DIAPH3: variants seen among roughly 807,000 people sequenced by gnomAD.
DIAPH3 encodes the protein protein diaphanous homolog 3.
DIAPH3 carries 117 observed loss-of-function variants against 144.3 expected under a neutral mutation model. That is an observed-to-expected ratio of 0.81 (90% CI 0.70 to 0.95). The LOEUF (loss-of-function observed/expected upper bound fraction) is 0.95. DIAPH3 is among the 40% of genes least tolerant of loss of function. The pLI is 0.00. For missense variants in DIAPH3, 1,421 were observed against 1,412.7 expected, an observed-to-expected ratio of 1.01 and a Z score of -0.09; for synonymous variants, 519 against 488.9, an observed-to-expected ratio of 1.06 and a Z score of -0.81.
intron 24 of DIAPH3, among the ~76,000 whole-genome samples, chr13:59,814,332 A>G (rs1233125935): frequency 6.6e-6 from 1 of 152,158 alleles, no homozygotes; most frequent in Non-Finnish European, 1.5e-5. Context: ...TCTTAAACCT[A>G]TTTTGTTTCA....
At chr13:59,796,461 T>C (rs1017543049) in intron 25 of DIAPH3, among the ~76,000 whole-genome samples, 3 of 152,234 alleles carry the variant, frequency 2.0e-5, no homozygotes, top group Admixed American at 2.0e-4. Flanking sequence ...GTCAGTCTGT[T>C]GAAAGGTCAA....
chr13:59,812,855 C>T lies in DIAPH3; in HGVS notation c.3028-1932G>A, dbSNP rs151226650. Among the ~76,000 whole-genome samples the T allele has an allele frequency of 4.4e-4, 67 of 152,220 alleles. No homozygotes were observed. The East Asian group carries it at 4.8e-3, about 11-fold the overall frequency. ...AGATTTTCAAGCAAGTGCAAAACTA[C>T]GTACACTGAGATACAAGAACCAACC... On this transcript the variant is annotated intron_variant, in intron 24 of 27. Coordinates refer to ENST00000400324, the MANE Select transcript of DIAPH3 (RefSeq NM_001042517.2).
chr13:59,885,385 G>A (rs1041087766), intron 20 of DIAPH3, among the ~76,000 whole-genome samples: 1 of 127,388 alleles, frequency 7.9e-6, no homozygotes, highest in African/African-American at 2.9e-5. Flanking sequence ...AGTTTTGCCT[G>A]TTCTTGAAAT....
chr13:59,693,709 GAGAA>G (rs970506939), intron 27 of DIAPH3, among the ~76,000 whole-genome samples: 4 of 152,052 alleles, frequency 2.6e-5, no homozygotes, highest in African/African-American at 9.7e-5. Context: ...TTAATAAAAA[GAGAA>G]AGAAAATTAT....
At chr13:59,754,135 T>C (rs1352126531) in intron 27 of DIAPH3, among the ~76,000 whole-genome samples, 3 of 152,180 alleles carry the variant, frequency 2.0e-5, no homozygotes, top group African/African-American at 7.2e-5. Context: ...CCAACTTATC[T>C]TTCTGCTCTC....
intron 5 of DIAPH3, among the ~76,000 whole-genome samples, chr13:60,028,533 A>G (rs534675455): frequency 6.6e-6 from 1 of 151,996 alleles, no homozygotes; most frequent in East Asian, 1.9e-4. Flanking sequence ...TTTCTGGATC[A>G]CCTATTTCTG....
At chr13:60,014,797 T>A (rs184460135) in intron 7 of DIAPH3, among the ~76,000 whole-genome samples, 1 of 152,240 alleles carries the variant, frequency 6.6e-6, no homozygotes, top group African/African-American at 2.4e-5. Context: ...ACACCTATCA[T>A]CACTTCACAC....
chr13:59,771,302 T>C (rs1207871085), intron 27 of DIAPH3, among the ~76,000 whole-genome samples: 1 of 152,170 alleles, frequency 6.6e-6, no homozygotes, highest in Non-Finnish European at 1.5e-5. Context: ...ATTTAGGCTT[T>C]GGATATATAT....
chr13:59,860,850 T>C (rs17723013), intron 22 of DIAPH3, among the ~76,000 whole-genome samples: 8,743 of 152,310 alleles, frequency 0.057, 299 homozygotes, highest in Admixed American at 0.1. Flanking sequence ...ATCCGTTCTA[T>C]GACCCTTTAT....
At chr13:59,815,945 T>C (rs1010361123) in intron 24 of DIAPH3, among the ~76,000 whole-genome samples, 5 of 152,094 alleles carry the variant, frequency 3.3e-5, no homozygotes, top group Non-Finnish European at 7.4e-5. Context: ...AGATTCTAAG[T>C]ATTAGGTTAA....
In DIAPH3 at chr13:60,126,230, G is replaced by A. The variant is rs566625225; in HGVS notation, c.213+6727C>T. On this transcript the variant is annotated intron_variant, in intron 2 of 27. Coordinates refer to ENST00000400324, the MANE Select transcript of DIAPH3 (RefSeq NM_001042517.2). ...AAAGGAAAAATTATGCAACCAGATA[G>A]ATAATGAAAAGTCAAAGGGGTATGA... is the stretch of plus-strand genomic sequence containing the variant. Among the ~76,000 whole-genome samples the A allele has an allele frequency of 6.6e-5, 10 of 152,190 alleles. No individual in the cohort carries two copies. In the South Asian group the frequency reaches 2.1e-3, roughly 32 times the overall value.
At chr13:60,013,718 A>T (rs912982062) in intron 7 of DIAPH3, among the ~76,000 whole-genome samples, 3 of 152,230 alleles carry the variant, frequency 2.0e-5, no homozygotes, top group African/African-American at 7.2e-5. Context: ...TAAAACTTAT[A>T]TTTTCACCAT....
intron 4 of DIAPH3, among the ~76,000 whole-genome samples, chr13:60,059,092 T>C (rs567018113): frequency 4.6e-5 from 7 of 151,974 alleles, no homozygotes; most frequent in African/African-American, 1.7e-4. Flanking sequence ...TTACATGTTC[T>C]ATATATGTAT....
At chr13:59,931,186 C>T (rs547653191) in intron 17 of DIAPH3, among the ~76,000 whole-genome samples, 1 of 152,260 alleles carries the variant, frequency 6.6e-6, no homozygotes, top group Admixed American at 6.5e-5. Context: ...ATATCCTATC[C>T]ATCAGTGAAT....
chr13:60,016,348 G>A (rs552530545), intron 5 of DIAPH3, among the ~76,000 whole-genome samples: 4 of 152,262 alleles, frequency 2.6e-5, no homozygotes, highest in East Asian at 1.9e-4. Flanking sequence ...GCTAAACTCC[G>A]CTTGCACAGG....
intron 4 of DIAPH3, among the ~76,000 whole-genome samples, chr13:60,087,335 T>C (rs2057779151): frequency 6.6e-6 from 1 of 152,176 alleles, no homozygotes; most frequent in African/African-American, 2.4e-5. Context: ...ATGTCTTCCA[T>C]CCTTGAGAAC....
At chr13:60,018,565 A>G (rs2053807713) in intron 5 of DIAPH3, among the ~76,000 whole-genome samples, 2 of 152,198 alleles carry the variant, frequency 1.3e-5, no homozygotes, top group South Asian at 4.1e-4. Flanking sequence ...AAACTACAGA[A>G]TATGAACTAT....
intron 2 of DIAPH3, among the ~76,000 whole-genome samples, chr13:60,117,009 C>G (rs1339414157): frequency 2.0e-5 from 3 of 151,864 alleles, no homozygotes; most frequent in Non-Finnish European, 4.4e-5. Context: ...ACTTTTGTAC[C>G]TAACGATTTC....
At chr13:60,134,124 A>C (rs1413808874) in intron 1 of DIAPH3, among the ~76,000 whole-genome samples, 2 of 152,184 alleles carry the variant, frequency 1.3e-5, no homozygotes, top group African/African-American at 4.8e-5. Context: ...CTTCTAGTGC[A>C]AAGGAAAGAA....
Sources: allele counts gnomAD v4.1 joint callset (sites outside exome capture counted in the v4.1 genomes callset), GRCh38; gene constraint gnomAD v4.1.1; transcripts MANE v1.5; gene names NCBI Gene and HGNC (gene_info 2026-07-23, HGNC 2026-07-21).